Variants in SYT9 observed in about 807,000 individuals in gnomAD.
SYT9 encodes the protein synaptotagmin-9.
In SYT9, 22 loss-of-function variants were observed where a neutral mutation model predicts 48.4. The ratio of observed to expected loss-of-function variants is 0.45; its 90% confidence interval spans 0.32 to 0.65. The LOEUF (loss-of-function observed/expected upper bound fraction) is 0.65. Ranked by LOEUF, SYT9 falls within the 30% of genes least tolerant of loss-of-function variation. The pLI, the probability that SYT9 is intolerant of heterozygous loss-of-function variation, is 0.03. For missense variants in SYT9, 577 were observed against 622.0 expected, an observed-to-expected ratio of 0.93 and a Z score of 0.77; for synonymous variants, 265 against 245.0, an observed-to-expected ratio of 1.08 and a Z score of -0.76.
rs376649653 is a variant in SYT9, at chr11:7,330,009, T to C, written c.1044+16068T>C. 4.1e-4 allele frequency among the ~76,000 whole-genome samples: 62 copies of C among 152,258 alleles called. 1 individual carries two copies. Among genetic ancestry groups the C allele is most frequent in the African/African-American group, 1.5e-3 (61 of 41,556 alleles). ...TAAAAATCTATCCTTGTTTTCCTTA[T>C]TTTGGGTGGAATTTGAAAAAGGGTA... On this transcript the variant is annotated intron_variant, in intron 3 of 6. Coordinates refer to ENST00000318881, the MANE Select transcript of SYT9 (RefSeq NM_175733.4).
At chr11:7,248,574 G>A (rs1847822225), upstream of SYT9, among the ~76,000 whole-genome samples, 1 of 152,056 alleles carries the variant, frequency 6.6e-6, no homozygotes, top group South Asian at 2.1e-4. Context: ...AGCACCATTT[G>A]TTGAAAAGGG....
At chr11:7,274,654 G>A (rs1224668082) in intron 1 of SYT9, among the ~76,000 whole-genome samples, 1 of 152,042 alleles carries the variant, frequency 6.6e-6, no homozygotes, top group African/African-American at 2.4e-5. Context: ...TATTTAGTTA[G>A]TTTCTTCCTA....
intron 3 of SYT9, among the ~76,000 whole-genome samples, chr11:7,352,389 T>C (rs1849934792): frequency 6.6e-6 from 1 of 152,208 alleles, no homozygotes; most frequent in Non-Finnish European, 1.5e-5. Context: ...AGAGGGTTTA[T>C]GTAGACTAGT....
At chr11:7,332,857 T>G (rs1386740) in intron 3 of SYT9, among the ~76,000 whole-genome samples, 2 of 152,218 alleles carry the variant, frequency 1.3e-5, no homozygotes, top group East Asian at 3.9e-4. Flanking sequence ...GTTGTCAAGG[T>G]CAGCAATTTC....
chr11:7,416,002 G>A (rs372262253), intron 3 of SYT9, 40 bp from the exon 4 acceptor site: 52 of 1,613,366 alleles, frequency 3.2e-5, no homozygotes, highest in Non-Finnish European at 4.1e-5. Flanking sequence ...CACCAGGCTG[G>A]AGACACTTTC....
At chr11:7,414,549 A>AC (rs1465863830) in intron 3 of SYT9, among the ~76,000 whole-genome samples, 3 of 152,224 alleles carry the variant, frequency 2.0e-5, no homozygotes, top group Non-Finnish European at 4.4e-5. Flanking sequence ...CTCCAGTCGT[A>AC]TAGAATTCTA....
Position 7,240,422 on chromosome 11 carries a change from A to C in SYT9, c.49+1506A>C, listed in dbSNP as rs76715230. ...ATTGAAACAAAAACAAAAACAAAAA[A>C]CTCCAATCCTTTATAAAACCTGTCT... On this transcript the variant is annotated intron_variant and NMD_transcript_variant, in intron 1 of 8. Coordinates refer to the SYT9 transcript ENST00000524820. 1.8e-4 allele frequency among the ~76,000 whole-genome samples: 27 copies of C among 150,228 alleles called. No homozygotes were observed. In the East Asian group the frequency reaches 4.8e-3, roughly 27 times the overall value.
intron 3 of SYT9, among the ~76,000 whole-genome samples, chr11:7,372,311 C>T (rs1040250368): frequency 3.3e-5 from 5 of 152,110 alleles, no homozygotes; most frequent in African/African-American, 1.2e-4. Flanking sequence ...TTCTCTCTCT[C>T]GCTCTGTGTG....
chr11:7,407,626 C>T lies in SYT9; in HGVS notation c.1045-8416C>T, dbSNP rs567067285. Among the ~76,000 whole-genome samples, 19 of 52,266 alleles carry T rather than the reference C, an allele frequency of 3.6e-4. 2 individuals are homozygous for T. In the South Asian group the frequency reaches 4.3e-3, roughly 12 times the overall value. The allele number at this position is 52,266 out of a possible 152,430, so 34.3% of individuals were successfully genotyped here. Reference sequence around the variant, plus strand: ...CGATCTCCTGACCTCATGATCCACCCGCCTCGGCCTCCCAAAGTGCTGGGA... The same window carrying T: ...CGATCTCCTGACCTCATGATCCACCTGCCTCGGCCTCCCAAAGTGCTGGGA... On this transcript the variant is annotated intron_variant, in intron 3 of 6. Transcript: ENST00000318881.
At chr11:7,267,943 A>G (rs6578840) in intron 1 of SYT9, among the ~76,000 whole-genome samples, 91,009 of 151,898 alleles carry the variant, frequency 0.6, 28,175 homozygotes, top group East Asian at 0.74. Context: ...AGCACAAGAA[A>G]ATGGCATACA....
upstream of SYT9, among the ~76,000 whole-genome samples, chr11:7,247,655 T>TATATAC (rs1197889298): frequency 7.3e-6 from 1 of 137,548 alleles, no homozygotes; most frequent in African/African-American, 2.7e-5. Flanking sequence ...TATATATATA[T>TATATAC]ACATATGTAT....
chr11:7,325,969 G>C (rs1345089425), intron 3 of SYT9, among the ~76,000 whole-genome samples: 4 of 74,724 alleles, frequency 5.4e-5, no homozygotes, highest in African/African-American at 2.4e-4. Context: ...AAGCCCACTT[G>C]ATCATGGTGG....
intron 1 of SYT9, among the ~76,000 whole-genome samples, chr11:7,267,400 A>G (rs1466507692): frequency 1.3e-5 from 2 of 151,948 alleles, no homozygotes; most frequent in Non-Finnish European, 2.9e-5. Context: ...ACAGGTAAAA[A>G]TCGCATGGGC....
intron 1 of SYT9, among the ~76,000 whole-genome samples, chr11:7,271,268 C>G (rs1387654526): frequency 6.6e-6 from 1 of 152,008 alleles, no homozygotes; most frequent in Non-Finnish European, 1.5e-5. Context: ...AACCTGAGGA[C>G]CATATCTGCT....
upstream of SYT9, among the ~76,000 whole-genome samples, chr11:7,247,601 A>G (rs180747643): frequency 1.4e-5 from 2 of 147,150 alleles, no homozygotes; most frequent in South Asian, 2.1e-4. Context: ...ATATATACGT[A>G]TATATACATA....
intron 3 of SYT9, among the ~76,000 whole-genome samples, chr11:7,330,317 A>G (rs984961869): frequency 5.9e-5 from 9 of 152,196 alleles, no homozygotes; most frequent in African/African-American, 1.2e-4. Context: ...TACGTACTGC[A>G]TATTTTCCTT....
chr11:7,280,155 A>G (rs943091150), intron 1 of SYT9, among the ~76,000 whole-genome samples: 18 of 152,260 alleles, frequency 1.2e-4, no homozygotes, highest in African/African-American at 4.3e-4. Flanking sequence ...ACTCATATAA[A>G]TGCTGTGCGG....
chr11:7,347,195 T>C (rs1012524959), intron 3 of SYT9, among the ~76,000 whole-genome samples: 1 of 152,104 alleles, frequency 6.6e-6, no homozygotes, highest in African/African-American at 2.4e-5. Flanking sequence ...CTGGGACTTA[T>C]CAATTAACCA....
At chr11:7,297,102 CAGAGAG>C (rs35567024) in intron 1 of SYT9, among the ~76,000 whole-genome samples, 1 of 143,780 alleles carries the variant, frequency 7.0e-6, no homozygotes, top group African/African-American at 2.6e-5. Flanking sequence ...GAGAGAGAGA[CAGAGAG>C]AGAGAGAGAG....
Sources: allele counts gnomAD v4.1 joint callset (sites outside exome capture counted in the v4.1 genomes callset), GRCh38; gene constraint gnomAD v4.1.1; transcripts MANE v1.5; gene names NCBI Gene and HGNC (gene_info 2026-07-23, HGNC 2026-07-21).